Variants in PMEPA1 observed in about 807,000 individuals in gnomAD.
PMEPA1 encodes the protein protein TMEPAI.
Under a neutral mutation model 23.0 loss-of-function variants are expected in PMEPA1, and 11 were observed. The ratio of observed to expected loss-of-function variants is 0.48; its 90% CI spans 0.30 to 0.79. The LOEUF (loss-of-function observed/expected upper bound fraction) is 0.79. PMEPA1 is among the 30% of genes least tolerant of loss of function. PMEPA1 has a pLI of 0.06. For synonymous variants in PMEPA1, 204 were observed against 166.4 expected (o/e 1.23, Z -1.74); for missense variants, 377 against 390.9 (o/e 0.96, Z 0.30).
chr20:57,680,818 G>A (rs1025683183), intron 1 of PMEPA1, among the ~76,000 whole-genome samples: 6 of 152,174 alleles, frequency 3.9e-5, no homozygotes, highest in Non-Finnish European at 4.4e-5. Context: ...ACCGATCAAC[G>A]CACACTGGCA....
chr20:57,699,320 G>A (rs1182509858), intron 1 of PMEPA1, among the ~76,000 whole-genome samples: 3 of 152,218 alleles, frequency 2.0e-5, no homozygotes, highest in African/African-American at 2.4e-5. Flanking sequence ...CAACACTCTC[G>A]TGGCCATTTA....
At chr20:57,700,198 A>G in intron 1 of PMEPA1, 1 of 467,252 alleles carries the variant, frequency 2.1e-6, no homozygotes, top group South Asian at 1.6e-5. Flanking sequence ...TGTCAATGAC[A>G]ATAGAGGCTG....
At chr20:57,705,223 T>C (rs2072064703) in intron 1 of PMEPA1, among the ~76,000 whole-genome samples, 1 of 152,200 alleles carries the variant, frequency 6.6e-6, no homozygotes. Context: ...ATTTTGTGCT[T>C]TGACAAATGC....
intron 1 of PMEPA1, among the ~76,000 whole-genome samples, chr20:57,687,368 A>C (rs2071815299): frequency 6.6e-6 from 1 of 152,222 alleles, no homozygotes; most frequent in Admixed American, 6.5e-5. Flanking sequence ...AGGGACCCCA[A>C]GGCCAGAGGG....
At chr20:57,661,259 C>T (rs955105548) in intron 1 of PMEPA1, among the ~76,000 whole-genome samples, 6 of 152,206 alleles carry the variant, frequency 3.9e-5, no homozygotes, top group East Asian at 1.9e-4. Flanking sequence ...CTGACTCAAG[C>T]GGGTCTGTGC....
At chr20:57,676,027 C>T (rs1006559579) in intron 1 of PMEPA1, among the ~76,000 whole-genome samples, 2 of 152,278 alleles carry the variant, frequency 1.3e-5, no homozygotes, top group Non-Finnish European at 2.9e-5. Context: ...TTCGAAGCAG[C>T]ATCTTCCAGA....
chr20:57,656,519 C>T lies in PMEPA1; in HGVS notation c.264+3024G>A, dbSNP rs926525979. On this transcript the variant is annotated intron_variant, in intron 2 of 3. Transcript: ENST00000341744. The surrounding 1 kb of genome is among the most constrained non-coding windows in gnomAD (Gnocchi z 4.7). The stretch of plus-strand genomic sequence containing the variant: ...GGTAAACCTGAAGTCTGCGCCACTC[C>T]GTGGCTGGGCGGTCACTGCAGTGAC... Among the ~76,000 whole-genome samples the T allele has an allele frequency of 6.6e-6, 1 of 152,100 alleles. No homozygotes were observed. The highest frequency in any genetic ancestry group is 1.5e-5 in the Non-Finnish European group (1 of 68,018).
chr20:57,662,420 C>T (rs1249242031), intron 1 of PMEPA1, among the ~76,000 whole-genome samples: 2 of 152,212 alleles, frequency 1.3e-5, no homozygotes, highest in Admixed American at 1.3e-4. Flanking sequence ...CGTCCTCCCA[C>T]TAGGCTTGGT....
At chr20:57,661,047 A>G (rs544982961) in intron 1 of PMEPA1, among the ~76,000 whole-genome samples, 36 of 152,028 alleles carry the variant, frequency 2.4e-4, no homozygotes, top group African/African-American at 8.2e-4. Context: ...GGGTGTCAGG[A>G]CCCTCCTCTT....
chr20:57,657,614 G>A (rs2071345827), intron 2 of PMEPA1, among the ~76,000 whole-genome samples: 1 of 152,042 alleles, frequency 6.6e-6, no homozygotes, highest in African/African-American at 2.4e-5. Context: ...CCCCGGGTCT[G>A]TGGGCCAGGC....
At chr20:57,700,836 T>C (rs1389619174) in intron 1 of PMEPA1, among the ~76,000 whole-genome samples, 1 of 152,154 alleles carries the variant, frequency 6.6e-6, no homozygotes, top group Non-Finnish European at 1.5e-5. Context: ...GAGACCAGCC[T>C]GGCCAACATG....
intron 1 of PMEPA1, among the ~76,000 whole-genome samples, chr20:57,684,449 A>T (rs986959846): frequency 6.6e-6 from 1 of 152,092 alleles, no homozygotes; most frequent in African/African-American, 2.4e-5. Context: ...CCTAAGAAGG[A>T]GGGGGGCTCT....
chr20:57,692,546 G>A (rs1382436670), intron 1 of PMEPA1, among the ~76,000 whole-genome samples: 1 of 152,222 alleles, frequency 6.6e-6, no homozygotes, highest in Non-Finnish European at 1.5e-5. Flanking sequence ...GCCCAGGTCT[G>A]TACCTGGCCT....
intron 2 of PMEPA1, among the ~76,000 whole-genome samples, chr20:57,657,322 C>G (rs113856278): frequency 1.4e-3 from 220 of 152,288 alleles, no homozygotes; most frequent in African/African-American, 4.4e-3. Flanking sequence ...TGTCCAGGCA[C>G]CGTCACTCTC....
chr20:57,695,995 C>A (rs1600669783), intron 1 of PMEPA1, among the ~76,000 whole-genome samples: 1 of 152,294 alleles, frequency 6.6e-6, no homozygotes, highest in Non-Finnish European at 1.5e-5. Context: ...GGACTCTCTC[C>A]TCACCCCTCC....
rs200136263 is a variant in PMEPA1 at position 57,683,565 on chromosome 20, G to GCGTA, written c.110-23869_110-23868insTACG. On this transcript the variant is annotated intron_variant, in intron 1 of 3. Coordinates refer to ENST00000341744, the MANE Select transcript of PMEPA1 (RefSeq NM_020182.5). This position sits in a 1 kb window ranked among gnomAD's most constrained non-coding sequence, Gnocchi z 4.3. ...TTCTGGCCTGTGTGCGTGTGTGTGT[G>GCGTA]TGTGTGTGTGTGTGTGTGTTTCTTT... Among the ~76,000 whole-genome samples the GCGTA allele has an allele frequency of 2.0e-5, 3 of 151,466 alleles. No individual in the cohort carries two copies. The highest frequency in any genetic ancestry group is 7.3e-5 in the African/African-American group (3 of 41,016).
At chr20:57,706,123 C>G (rs1411898532) in intron 1 of PMEPA1, among the ~76,000 whole-genome samples, 1 of 152,182 alleles carries the variant, frequency 6.6e-6, no homozygotes, top group South Asian at 2.1e-4. Context: ...CAGCTGCCAC[C>G]GTAGATACCA....
chr20:57,690,361 G>T, intron 1 of PMEPA1: 36 of 1,050,052 alleles, frequency 3.4e-5, no homozygotes, highest in East Asian at 5.9e-5. Flanking sequence ...ACATGCAAAT[G>T]CTCCTGAGAA....
In PMEPA1 at chr20:57,651,490, TTTC is replaced by T. The variant is rs2071227410; in HGVS notation, c.*560_*562del. On this transcript the variant is annotated 3_prime_UTR_variant, in exon 4 of 4. Transcript: ENST00000341744. ...CTCTAAACCCCTGCTTTGTAATTTT[TTTC>T]TTTACAAGGTAATACACACTTTCTG... is the stretch of plus-strand genomic sequence containing the variant. 6.6e-6 allele frequency: 1 copy of T among 152,670 alleles called. No homozygotes were observed. The highest frequency in any genetic ancestry group is 1.5e-5 in the Non-Finnish European group (1 of 68,052). 9.5% of individuals were successfully genotyped at this position (152,670 alleles called of 1,614,324 possible).
Sources: gnomAD v4.1 joint callset for allele counts (sites outside exome capture counted in the v4.1 genomes callset) on GRCh38, gnomAD v4.1.1 for gene constraint, Gnocchi (gnomAD v3.1) non-coding constraint, MANE v1.5 for transcripts, NCBI Gene and HGNC (gene_info 2026-07-23, HGNC 2026-07-21) for gene names.